ESRRG: variants seen among roughly 807,000 people sequenced by gnomAD.
The protein encoded by ESRRG is estrogen-related receptor gamma.
Under a neutral mutation model 44.0 loss-of-function variants are expected in ESRRG, and 13 were observed. The observed-to-expected ratio is 0.30, with a 90% confidence interval of 0.19 to 0.47. The LOEUF is 0.47. ESRRG is among the 20% of genes least tolerant of loss of function. The pLI, the probability that ESRRG is intolerant of heterozygous loss-of-function variation, is 1.00. For missense variants in ESRRG, 395 were observed against 580.6 expected (o/e 0.68, Z 3.29); for synonymous variants, 215 against 214.6 (o/e 1.00, Z -0.02).
intron 3 of ESRRG, among the ~76,000 whole-genome samples, chr1:216,609,612 ACTT>A (rs756425505): frequency 3.9e-5 from 6 of 152,256 alleles, no homozygotes; most frequent in Non-Finnish European, 8.8e-5. Flanking sequence ...ATCCCTAACT[ACTT>A]AAGTCAGATT....
intron 1 of ESRRG, among the ~76,000 whole-genome samples, chr1:216,979,863 T>C (rs2073636060): frequency 6.6e-6 from 1 of 152,074 alleles, no homozygotes; most frequent in African/African-American, 2.4e-5. Context: ...TAAAAGTGAT[T>C]TAATAAAAAT....
chr1:217,061,405 A>G (rs962717151), intron 1 of ESRRG, among the ~76,000 whole-genome samples: 2 of 152,160 alleles, frequency 1.3e-5, no homozygotes, highest in African/African-American at 4.8e-5. Flanking sequence ...GGCATGAGTA[A>G]TGCAAACCTC....
At chr1:217,032,011 C>A (rs913048649) in intron 1 of ESRRG, among the ~76,000 whole-genome samples, 5 of 152,170 alleles carry the variant, frequency 3.3e-5, no homozygotes, top group Non-Finnish European at 5.9e-5. Context: ...GGATCAAGAG[C>A]TTTCTGTGAA....
chr1:216,598,022 T>C (rs1317078229), intron 3 of ESRRG, among the ~76,000 whole-genome samples: 1 of 152,170 alleles, frequency 6.6e-6, no homozygotes, highest in Non-Finnish European at 1.5e-5. Flanking sequence ...TGAATAATAA[T>C]AACAATAATT....
chr1:216,512,195 G>A (rs1344163807), intron 6 of ESRRG, among the ~76,000 whole-genome samples: 1 of 152,144 alleles, frequency 6.6e-6, no homozygotes, highest in African/African-American at 2.4e-5. Flanking sequence ...CAAACATTAT[G>A]TATCTTGCAA....
chr1:216,644,118 C>G (rs2067011039), intron 3 of ESRRG, among the ~76,000 whole-genome samples: 1 of 152,142 alleles, frequency 6.6e-6, no homozygotes, highest in Admixed American at 6.5e-5. Flanking sequence ...GGTTCCTTAT[C>G]TGACTAATGA....
chr1:216,531,588 T>C (rs2049387105), intron 5 of ESRRG, among the ~76,000 whole-genome samples: 1 of 152,008 alleles, frequency 6.6e-6, no homozygotes, highest in Non-Finnish European at 1.5e-5. Context: ...AACAAAAACA[T>C]CAAACAACAC....
intron 2 of ESRRG, among the ~76,000 whole-genome samples, chr1:216,748,465 T>A (rs557438906): frequency 6.6e-6 from 1 of 152,280 alleles, no homozygotes; most frequent in African/African-American, 2.4e-5. Context: ...CCTTTTACTA[T>A]CAGTACCAAG....
intron 1 of ESRRG, among the ~76,000 whole-genome samples, chr1:217,088,061 A>AG (rs1440093196): frequency 1.3e-4 from 19 of 151,770 alleles, no homozygotes; most frequent in South Asian, 4.2e-4. Context: ...AAAAAAAAAA[A>AG]AGAGAGAGAA....
At chr1:216,544,949 A>G (rs6604633) in intron 5 of ESRRG, among the ~76,000 whole-genome samples, 3,352 of 152,152 alleles carry the variant, frequency 0.022, 124 homozygotes, top group African/African-American at 0.078. Flanking sequence ...TTAGAAAATG[A>G]CAATAAGAAT....
chr1:216,754,267 C>T (rs1175030658), intron 2 of ESRRG, among the ~76,000 whole-genome samples: 3 of 152,080 alleles, frequency 2.0e-5, no homozygotes, highest in Admixed American at 1.3e-4. Context: ...GAATCCCAGG[C>T]CTTCCCTCCA....
intron 2 of ESRRG, among the ~76,000 whole-genome samples, chr1:216,916,365 T>C (rs1578114644): frequency 6.6e-6 from 1 of 152,352 alleles, no homozygotes; most frequent in East Asian, 1.9e-4. Flanking sequence ...GTGTGTTGAA[T>C]TGTGTACTTT....
At chr1:217,001,126 A>G (rs942860044) in intron 1 of ESRRG, among the ~76,000 whole-genome samples, 3 of 152,262 alleles carry the variant, frequency 2.0e-5, no homozygotes, top group African/African-American at 7.2e-5. Flanking sequence ...GTCTACAGAA[A>G]TGGTTCAACT....
intron 2 of ESRRG, among the ~76,000 whole-genome samples, chr1:216,832,834 G>T (rs1257513903): frequency 6.6e-6 from 1 of 152,062 alleles, no homozygotes; most frequent in East Asian, 1.9e-4. Flanking sequence ...AAGTTAGCCA[G>T]ATGTAGTGAT....
intron 5 of ESRRG, among the ~76,000 whole-genome samples, chr1:216,562,285 T>C (rs1397921642): frequency 6.6e-6 from 1 of 152,184 alleles, no homozygotes; most frequent in Non-Finnish European, 1.5e-5. Flanking sequence ...ATCATTATCA[T>C]TTTGAAATAG....
At chr1:216,730,067 T>C (rs1244877262) in intron 2 of ESRRG, among the ~76,000 whole-genome samples, 1 of 152,084 alleles carries the variant, frequency 6.6e-6, no homozygotes, top group Non-Finnish European at 1.5e-5. Flanking sequence ...ACCTAGGTAG[T>C]AGGAAAGCTC....
At chr1:216,683,290 TAAA>T in intron 1 of ESRRG, among the ~76,000 whole-genome samples, 1 of 152,286 alleles carries the variant, frequency 6.6e-6, no homozygotes, top group East Asian at 1.9e-4. Flanking sequence ...CTCAGAAAGA[TAAA>T]AACACATGGA....
At chr1:217,125,315 C>T (rs1232547209) in intron 1 of ESRRG, among the ~76,000 whole-genome samples, 1 of 152,170 alleles carries the variant, frequency 6.6e-6, no homozygotes, top group Admixed American at 6.5e-5. Context: ...TGTGATAAAT[C>T]TGGAAAACAT....
At chr1:216,940,029 T>C (rs2064955969) in intron 1 of ESRRG, among the ~76,000 whole-genome samples, 1 of 152,094 alleles carries the variant, frequency 6.6e-6, no homozygotes, top group African/African-American at 2.4e-5. Flanking sequence ...CATATATAAC[T>C]TTCAGAAAAA....
Sources: gnomAD v4.1 joint callset for allele counts (sites outside exome capture counted in the v4.1 genomes callset) on GRCh38, gnomAD v4.1.1 for gene constraint, MANE v1.5 for transcripts, NCBI Gene and HGNC (gene_info 2026-07-23, HGNC 2026-07-21) for gene names.